The following PRSS3 variants were observed in gnomAD, a reference collection of about 807,000 sequenced individuals.
PRSS3 encodes the protein trypsin-3.
PRSS3 carries 14 observed loss-of-function variants against 20.8 expected under a neutral mutation model. The observed-to-expected ratio is 0.67, with a 90% CI of 0.44 to 1.05. The LOEUF (loss-of-function observed/expected upper bound fraction) is 1.05. Among genes scored for constraint, PRSS3 ranks in the 50% least tolerant of loss-of-function variants. The pLI is 0.00. For synonymous variants in PRSS3, 91 were observed against 117.6 expected, an observed-to-expected ratio of 0.77 and a Z score of 1.46; for missense variants, 237 against 306.4, an observed-to-expected ratio of 0.77 and a Z score of 1.69.
rs1215528117 is a variant in PRSS3 at position 33,771,629 on chromosome 9, G to GTTTTT, written c.-53+20905_-53+20909dup. Reference sequence around the variant, plus strand: ...GGCATGAGCCACTGCACTGGGTTTTGTTTTTTTGTTTTTTTGTTTTTTTTT... The same window carrying GTTTTT: ...GGCATGAGCCACTGCACTGGGTTTTGTTTTTTTTTTTTGTTTTTTTGTTTTTTTTT... On this transcript the variant is annotated intron_variant, in intron 1 of 5. Coordinates refer to the PRSS3 transcript ENST00000342836. Among the ~76,000 whole-genome samples the GTTTTT allele has an allele frequency of 1.0e-3, 115 of 115,200 alleles. 1 individual carries two copies. Among genetic ancestry groups the GTTTTT allele is most frequent in the African/African-American group, 1.8e-3 (52 of 28,506 alleles). 75.6% of individuals were successfully genotyped at this position (115,200 alleles called of 152,430 possible). A position where few individuals can be genotyped will look rare whatever the true frequency, so the allele number is the denominator to read the frequency against.
chr9:33,777,314 GA>G (rs1823974491), intron 1 of PRSS3, among the ~76,000 whole-genome samples: 1 of 151,992 alleles, frequency 6.6e-6, no homozygotes, highest in Non-Finnish European at 1.5e-5. Flanking sequence ...AGGTAAAAAA[GA>G]AATAATACCA....
At chr9:33,758,892 T>G (rs1215722881) in intron 1 of PRSS3, among the ~76,000 whole-genome samples, 1 of 152,216 alleles carries the variant, frequency 6.6e-6, no homozygotes, top group Admixed American at 6.5e-5. Context: ...ATGATGGAGA[T>G]GATAAGGTCT....
intron 1 of PRSS3, among the ~76,000 whole-genome samples, chr9:33,760,543 G>A (rs189783392): frequency 9.2e-5 from 14 of 152,026 alleles, no homozygotes; most frequent in African/African-American, 2.4e-4. Context: ...TCAGGAGATC[G>A]AGACCATCCT....
chr9:33,782,588 T>C lies in PRSS3; in HGVS notation c.-52-12158T>C, dbSNP rs186007264. Among the ~76,000 whole-genome samples, 1,278 of 152,284 alleles carry C rather than the reference T, an allele frequency of 8.4e-3. 5 individuals are homozygous for C. Among genetic ancestry groups the C allele is most frequent in the Non-Finnish European group, 0.013 (861 of 68,020 alleles). ...TTCACTATCTGACTTCAAGACTTACTATAAACCCACAATAATCAAAGGAAT... is the reference window on the plus strand; with the variant it reads ...TTCACTATCTGACTTCAAGACTTACCATAAACCCACAATAATCAAAGGAAT... On this transcript the variant is annotated intron_variant, in intron 1 of 5. Coordinates refer to the PRSS3 transcript ENST00000342836.
chr9:33,781,477 G>A (rs2118994871), intron 1 of PRSS3, among the ~76,000 whole-genome samples: 1 of 152,248 alleles, frequency 6.6e-6, no homozygotes, highest in South Asian at 2.1e-4. Context: ...ACTAAACATT[G>A]AGCACACATG....
At position 33,796,702 on chromosome 9, in the gene PRSS3, T is replaced by G; in HGVS notation, c.100T>G (p.Ser34Ala). The G allele has an allele frequency of 6.2e-7, 1 of 1,613,950 alleles. No homozygotes were observed. Among genetic ancestry groups the G allele is most frequent in the East Asian group, 2.2e-5 (1 of 44,882 alleles). ...IVGGYTCEEN[S>A]LPYQVSLNSG... ...TGGGGGCTACACCTGTGAGGAGAAT[T>G]CTCTCCCCTACCAGGTGTCCCTGAA... The change falls in exon 2 of 5, where the codon TCT becomes GCT. Residue 34 changes from serine to alanine, a missense_variant. Transcript: ENST00000379405.
At chr9:33,759,736 G>C (rs1823099832) in intron 1 of PRSS3, among the ~76,000 whole-genome samples, 1 of 152,200 alleles carries the variant, frequency 6.6e-6, no homozygotes, top group Non-Finnish European at 1.5e-5. Context: ...GACAAGGTCA[G>C]AGCTAGAGAT....
chr9:33,796,679 G>T lies in PRSS3; in HGVS notation c.77G>T (p.Gly26Val). 1 of 1,612,858 alleles carries T rather than the reference G, an allele frequency of 6.2e-7. No individual in the cohort carries two copies. The highest frequency in any genetic ancestry group is 2.2e-5 in the East Asian group (1 of 44,852). The change falls in exon 2 of 5, where the codon GGG becomes GTG. Residue 26 changes from glycine to valine, a missense_variant. Transcript: ENST00000379405. Reference sequence around the variant, plus strand: ...TTTGACGATGATGACAAGATTGTTGGGGGCTACACCTGTGAGGAGAATTCT... The same window carrying T: ...TTTGACGATGATGACAAGATTGTTGTGGGCTACACCTGTGAGGAGAATTCT... ...VPFDDDDKIV[G>V]GYTCEENSLP...
chr9:33,773,366 A>C (rs1765310), intron 1 of PRSS3, among the ~76,000 whole-genome samples: 2 of 152,152 alleles, frequency 1.3e-5, no homozygotes, highest in Non-Finnish European at 2.9e-5. Flanking sequence ...CATAGCAGCA[A>C]ATCAGCCAGG....
rs1825166700 is a variant in PRSS3, at chr9:33,798,730, C to T, written c.591+108C>T. The T allele has an allele frequency of 4.6e-6, 7 of 1,527,586 alleles. No homozygotes were observed. The Admixed American group carries it at 1.1e-4, about 24-fold the overall frequency. 94.6% of individuals were successfully genotyped at this position (1,527,586 alleles called of 1,614,324 possible). ...AGGGCTGAGGCGGCTCCCTGCAGTG[C>T]TCCCATGGAGAAATGAGGAAGGTGG... On this transcript the variant is annotated intron_variant, in intron 4 of 4. Coordinates refer to ENST00000379405, the MANE Select transcript of PRSS3 (RefSeq NM_002771.4).
chr9:33,773,828 AGG>A (rs35898207), intron 1 of PRSS3, among the ~76,000 whole-genome samples: 1 of 119,398 alleles, frequency 8.4e-6, no homozygotes, highest in Non-Finnish European at 1.7e-5. Context: ...TAGTAGAGAC[AGG>A]GGTCTCACTA....
chr9:33,763,543 T>C (rs1248055033), intron 1 of PRSS3, among the ~76,000 whole-genome samples: 3 of 151,378 alleles, frequency 2.0e-5, no homozygotes, highest in Admixed American at 1.3e-4. Flanking sequence ...ACTGAAAATA[T>C]AAAAAATTAG....
chr9:33,761,381 G>T (rs1173234184), intron 1 of PRSS3, among the ~76,000 whole-genome samples: 1 of 152,184 alleles, frequency 6.6e-6, no homozygotes, highest in East Asian at 1.9e-4. Context: ...GTAAGTATGT[G>T]TGTATCTAAA....
intron 2 of PRSS3, among the ~76,000 whole-genome samples, chr9:33,797,166 T>C (rs1401225546): frequency 6.6e-6 from 1 of 152,088 alleles, no homozygotes; most frequent in Non-Finnish European, 1.5e-5. Flanking sequence ...TGAATACCAG[T>C]GAGTATTTAA....
chr9:33,778,350 A>AT (rs1174346347), intron 1 of PRSS3, among the ~76,000 whole-genome samples: 1 of 152,190 alleles, frequency 6.6e-6, no homozygotes, highest in East Asian at 1.9e-4. Context: ...TCTATTCCAT[A>AT]TTGTACTGAT....
chr9:33,756,804 A>G (rs1320194518), intron 1 of PRSS3, among the ~76,000 whole-genome samples: 1 of 152,140 alleles, frequency 6.6e-6, no homozygotes, highest in African/African-American at 2.4e-5. Flanking sequence ...TCTACATTTT[A>G]AAAGTTTTCT....
intron 1 of PRSS3, among the ~76,000 whole-genome samples, chr9:33,751,226 C>T (rs1822681847): frequency 6.6e-6 from 1 of 152,212 alleles, no homozygotes; most frequent in African/African-American, 2.4e-5. Flanking sequence ...GCACTGGTAC[C>T]CCGACTGCCT....
chr9:33,756,186 A>G (rs1258632570), intron 1 of PRSS3, among the ~76,000 whole-genome samples: 1 of 152,196 alleles, frequency 6.6e-6, no homozygotes, highest in Admixed American at 6.5e-5. Flanking sequence ...GATATTAATC[A>G]GAAATCATTT....
chr9:33,796,343 G>A (rs1170428312), intron 1 of PRSS3, among the ~76,000 whole-genome samples: 1 of 152,196 alleles, frequency 6.6e-6, no homozygotes, highest in Non-Finnish European at 1.5e-5. Context: ...CAGTGGGTGA[G>A]ACAACAACAT....
Sources: gnomAD v4.1 joint callset for allele counts (sites outside exome capture counted in the v4.1 genomes callset) on GRCh38, gnomAD v4.1.1 for gene constraint, MANE v1.5 for transcripts, NCBI Gene and HGNC (gene_info 2026-07-23, HGNC 2026-07-21) for gene names.